FCHO2: variants seen among roughly 807,000 people sequenced by gnomAD.
FCHO2 encodes FCH and mu domain containing endocytic adaptor 2.
A neutral mutation model predicts 114.1 loss-of-function variants in FCHO2; 43 were observed. The observed-to-expected ratio is 0.38, with a 90% confidence interval of 0.30 to 0.49. The LOEUF (loss-of-function observed/expected upper bound fraction) is 0.49, where lower values mean the gene tolerates loss of function less well. Among genes scored for constraint, FCHO2 ranks in the 20% least tolerant of loss-of-function variants. FCHO2 has a pLI of 0.97. For missense variants in FCHO2, 807 were observed against 950.4 expected (o/e 0.85, Z 1.98); for synonymous variants, 293 against 315.2 (o/e 0.93, Z 0.75).
In FCHO2 at chr5:73,074,782, G is replaced by A. The variant is rs757060439; in HGVS notation, c.1620G>A (p.Gln540=). ...RGPSPVSLGN[Q]DTLPVAVALT... ...CCAGCCCTGTCAGCCTTGGAAATCA[G>A]GATACCTTACCTGTGGCAGTTGCCC... The change falls in exon 20 of 26, where the codon CAG becomes CAA. Residue 540 remains glutamine (Q), a synonymous_variant. Transcript: ENST00000430046. 4.3e-6 allele frequency: 7 copies of A among 1,612,924 alleles called. No individual in the cohort carries two copies. In the South Asian group the frequency reaches 7.7e-5, roughly 18 times the overall value.
rs116343937 is a variant in FCHO2, at chr5:72,985,286, C to T, written c.126-4141C>T. 7.4e-3 allele frequency among the ~76,000 whole-genome samples: 1,130 copies of T among 152,070 alleles called. 13 individuals are homozygous for T. The highest frequency in any genetic ancestry group is 0.026 in the African/African-American group (1,074 of 41,474). On this transcript the variant is annotated intron_variant, in intron 2 of 25. Coordinates refer to ENST00000430046, the MANE Select transcript of FCHO2 (RefSeq NM_138782.3). ...AGTGATTCTCCTTCCTCTGCCTCCC[C>T]GAGTAGCTGGGATTGCAGATGCATG... is the stretch of plus-strand genomic sequence containing the variant.
rs115674287 is a variant in FCHO2, at chr5:73,069,724, A to G, written c.1579+945A>G. 6.1e-3 allele frequency among the ~76,000 whole-genome samples: 926 copies of G among 152,196 alleles called. 14 individuals are homozygous for G. The highest frequency in any genetic ancestry group is 0.021 in the African/African-American group (883 of 41,550). ...GTGGCCTGGGGGTTGAGGATCCATG[A>G]AGCATAGCTATATGAACCTAAACCT... On this transcript the variant is annotated intron_variant, in intron 19 of 25. Transcript: ENST00000430046.
chr5:73,065,592 A>G (rs1281540023), intron 18 of FCHO2, among the ~76,000 whole-genome samples: 1 of 152,084 alleles, frequency 6.6e-6, no homozygotes, highest in Admixed American at 6.6e-5. Context: ...GAGTTAATAC[A>G]TGTAAAACAG....
chr5:73,010,875 C>CAAA (rs57820498), intron 6 of FCHO2, among the ~76,000 whole-genome samples: 297 of 25,718 alleles, frequency 0.012, 15 homozygotes, highest in Middle Eastern at 0.031. Flanking sequence ...GACTCTGTCT[C>CAAA]AAAAAAAAAA....
At chr5:73,055,618 T>C (rs1757555081) in intron 15 of FCHO2, among the ~76,000 whole-genome samples, 2 of 152,220 alleles carry the variant, frequency 1.3e-5, no homozygotes, top group Admixed American at 1.3e-4. Context: ...AGATTCTTAA[T>C]TTTTCAAAAT....
At chr5:73,065,766 G>A (rs1408882468) in intron 18 of FCHO2, among the ~76,000 whole-genome samples, 1 of 151,824 alleles carries the variant, frequency 6.6e-6, no homozygotes, top group Non-Finnish European at 1.5e-5. Flanking sequence ...AGAATTAGGG[G>A]ATACAAGTGC....
At chr5:73,035,882 C>A (rs1407110862) in intron 9 of FCHO2, among the ~76,000 whole-genome samples, 2 of 151,980 alleles carry the variant, frequency 1.3e-5, no homozygotes, top group African/African-American at 4.8e-5. Flanking sequence ...CTTGCTCTGT[C>A]ACCCAGGCTG....
intron 2 of FCHO2, among the ~76,000 whole-genome samples, chr5:72,970,664 C>A (rs1752476114): frequency 6.6e-6 from 1 of 151,616 alleles, no homozygotes; most frequent in East Asian, 1.9e-4. Flanking sequence ...TGCAGCATTT[C>A]TTTTTATTTT....
intron 7 of FCHO2, among the ~76,000 whole-genome samples, chr5:73,016,251 C>A (rs997203229): frequency 2.0e-5 from 3 of 151,708 alleles, no homozygotes; most frequent in Non-Finnish European, 4.4e-5. Flanking sequence ...AAGTTTGAGA[C>A]CAGCCTGGGC....
At chr5:72,971,536 T>C (rs1580011801) in intron 2 of FCHO2, among the ~76,000 whole-genome samples, 1 of 152,202 alleles carries the variant, frequency 6.6e-6, no homozygotes, top group South Asian at 2.1e-4. Flanking sequence ...TCGCCCACTT[T>C]TGGATGGGGT....
chr5:72,956,233 G>C (rs1393249299), intron 1 of FCHO2, 104 bp downstream of exon 1: 10 of 1,453,126 alleles, frequency 6.9e-6, no homozygotes, highest in East Asian at 2.9e-5. Flanking sequence ...CCCTCCGGCA[G>C]GGCGAGCGTC....
At chr5:72,973,154 TAA>T (rs1752663031) in intron 2 of FCHO2, among the ~76,000 whole-genome samples, 1 of 152,198 alleles carries the variant, frequency 6.6e-6, no homozygotes, top group Admixed American at 6.5e-5. Context: ...GCTATTGGTC[TAA>T]AATTCTCTTT....
intron 5 of FCHO2, among the ~76,000 whole-genome samples, chr5:72,995,493 C>T (rs534616493): frequency 8.5e-5 from 13 of 152,162 alleles, no homozygotes; most frequent in Non-Finnish European, 1.3e-4. Flanking sequence ...TGACCTCAAG[C>T]GATCTGCCTG....
chr5:72,995,430 G>C, intron 5 of FCHO2, among the ~76,000 whole-genome samples: 1 of 151,888 alleles, frequency 6.6e-6, no homozygotes, highest in Non-Finnish European at 1.5e-5. Flanking sequence ...TAATTTTTGT[G>C]TTTTTAGTAG....
chr5:73,026,999 GT>G (rs1184729011), intron 8 of FCHO2, among the ~76,000 whole-genome samples: 6 of 116,880 alleles, frequency 5.1e-5, no homozygotes, highest in Admixed American at 8.5e-5. Context: ...GCCTGTCATT[GT>G]TTTTTTTTTG....
intron 11 of FCHO2, among the ~76,000 whole-genome samples, chr5:73,048,471 T>C (rs547019158): frequency 1.3e-5 from 2 of 152,094 alleles, no homozygotes; most frequent in South Asian, 4.1e-4. Flanking sequence ...AAAATAAAAA[T>C]ATTTTCAATC....
In FCHO2 at chr5:73,088,049, T is replaced by A; in HGVS notation, c.2411-19T>A. 1.9e-6 allele frequency: 3 copies of A among 1,613,234 alleles called. No individual in the cohort carries two copies. Among genetic ancestry groups the A allele is most frequent in the Non-Finnish European group, 2.5e-6 (3 of 1,179,608 alleles). ...GCATTTGAAATTGTAATTGCAAAGG[T>A]CTGCTTGGCGTTTTTCAGGACGATA... On this transcript the variant is annotated intron_variant, in intron 25 of 25. Transcript: ENST00000430046.
At chr5:73,011,363 G>A (rs1755002087) in intron 6 of FCHO2, among the ~76,000 whole-genome samples, 1 of 151,942 alleles carries the variant, frequency 6.6e-6, no homozygotes, top group African/African-American at 2.4e-5. Context: ...TGACTCTTTT[G>A]GGATGACATC....
chr5:73,066,782 T>G (rs1742360135), intron 18 of FCHO2, among the ~76,000 whole-genome samples: 1 of 151,924 alleles, frequency 6.6e-6, no homozygotes, highest in Non-Finnish European at 1.5e-5. Flanking sequence ...ATAGTTTCTC[T>G]GGCTTCACCC....
Sources: gnomAD v4.1 joint callset for allele counts (sites outside exome capture counted in the v4.1 genomes callset) on GRCh38, gnomAD v4.1.1 for gene constraint, MANE v1.5 for transcripts, NCBI Gene and HGNC (gene_info 2026-07-23, HGNC 2026-07-21) for gene names.